SBF2: variants seen among roughly 807,000 people sequenced by gnomAD.
SBF2 encodes myotubularin-related protein 13.
SBF2 carries 112 observed loss-of-function variants against 225.2 expected under a neutral mutation model. The ratio of observed to expected loss-of-function variants is 0.50; its 90% CI spans 0.43 to 0.58. SBF2 has a LOEUF of 0.58. Ranked by LOEUF, SBF2 falls within the 20% of genes least tolerant of loss-of-function variation. The probability of loss-of-function intolerance (pLI) is 0.00; values close to 1 mark genes in which losing one functional copy is unlikely to be tolerated. For synonymous variants in SBF2, 763 were observed against 773.3 expected (o/e 0.99, Z 0.22); for missense variants, 1,996 against 2,206.2 (o/e 0.90, Z 1.91).
intron 17 of SBF2, among the ~76,000 whole-genome samples, chr11:9,877,533 C>T (rs1032385038): frequency 2.6e-5 from 4 of 152,166 alleles, no homozygotes; most frequent in Non-Finnish European, 5.9e-5. Flanking sequence ...TCTCCTAATG[C>T]TATCCCTACC....
chr11:10,257,912 G>A (rs189505010), intron 1 of SBF2, among the ~76,000 whole-genome samples: 21 of 152,034 alleles, frequency 1.4e-4, no homozygotes, highest in Non-Finnish European at 2.6e-4. Context: ...AAACGAGATC[G>A]CGCCAGTGCA....
intron 2 of SBF2, among the ~76,000 whole-genome samples, chr11:10,055,212 T>C (rs1411715195): frequency 1.3e-5 from 2 of 152,090 alleles, no homozygotes; most frequent in African/African-American, 4.8e-5. Context: ...AGAATGGCTA[T>C]TATTAAAAAG....
intron 33 of SBF2, 137 bp downstream of exon 33, chr11:9,795,694 C>T (rs1853079122): frequency 4.7e-6 from 5 of 1,055,602 alleles, no homozygotes; most frequent in Non-Finnish European, 5.6e-6. Flanking sequence ...GCCACTTATC[C>T]ACTCCTCTAC....
chr11:10,299,337 CAAAAAAA>C (rs5789634), intron 1 of SBF2, among the ~76,000 whole-genome samples: 3 of 63,146 alleles, frequency 4.8e-5, no homozygotes, highest in Admixed American at 2.0e-4. Context: ...GAGTCCATCT[CAAAAAAA>C]AAAAAAAAAA....
chr11:10,043,016 A>T (rs1949713075), intron 2 of SBF2, 35 bp from the exon 3 acceptor site: 2 of 1,590,968 alleles, frequency 1.3e-6, no homozygotes, highest in South Asian at 2.2e-5. Flanking sequence ...TAACATTTAA[A>T]AACAATAAAA....
intron 27 of SBF2, among the ~76,000 whole-genome samples, 185 bp downstream of exon 27, chr11:9,832,039 G>A (rs1855431221): frequency 6.6e-6 from 1 of 152,218 alleles, no homozygotes; most frequent in African/African-American, 2.4e-5. Flanking sequence ...CAAATTCAAT[G>A]TGGAGCCTCA....
chr11:10,112,693 A>C (rs1215169300), intron 2 of SBF2, among the ~76,000 whole-genome samples: 2 of 152,236 alleles, frequency 1.3e-5, no homozygotes, highest in Non-Finnish European at 2.9e-5. Context: ...AGCAAAATGA[A>C]TAAACAGAAG....
At chr11:10,131,849 A>G (rs1565265776) in intron 2 of SBF2, among the ~76,000 whole-genome samples, 1 of 152,152 alleles carries the variant, frequency 6.6e-6, no homozygotes, top group African/African-American at 2.4e-5. Flanking sequence ...GCACAGCAAA[A>G]GTTCTTAATT....
chr11:9,800,551 C>T (rs1436235421), intron 32 of SBF2, among the ~76,000 whole-genome samples: 2 of 151,668 alleles, frequency 1.3e-5, no homozygotes, highest in Non-Finnish European at 2.9e-5. Flanking sequence ...GGACTACAGG[C>T]GCCTGCCACC....
At chr11:10,007,337 T>A (rs1948241146) in intron 6 of SBF2, among the ~76,000 whole-genome samples, 2 of 152,098 alleles carry the variant, frequency 1.3e-5, no homozygotes, top group Non-Finnish European at 2.9e-5. Context: ...GCCCCTCAGA[T>A]GCATTCTCAA....
At chr11:9,976,406 G>C (rs779910076) in intron 13 of SBF2, among the ~76,000 whole-genome samples, 11 of 152,172 alleles carry the variant, frequency 7.2e-5, no homozygotes, top group Non-Finnish European at 1.2e-4. Context: ...AGAATTTTAA[G>C]TTCTTTAATA....
intron 1 of SBF2, among the ~76,000 whole-genome samples, chr11:10,217,427 A>T (rs1822293): frequency 1.3e-5 from 2 of 152,022 alleles, no homozygotes; most frequent in East Asian, 3.8e-4. Context: ...AACAAAACAC[A>T]CACACTCAAG....
chr11:9,960,770 T>G (rs1366230838), intron 16 of SBF2: 1 of 152,212 alleles, frequency 6.6e-6, no homozygotes, highest in Non-Finnish European at 1.5e-5. Context: ...TTTCAAGTGA[T>G]TCTCCTGCCT....
At chr11:10,196,864 A>ATTT (rs1464688140) in intron 1 of SBF2, among the ~76,000 whole-genome samples, 5,063 of 61,620 alleles carry the variant, frequency 0.082, 213 homozygotes, top group Middle Eastern at 0.12. Context: ...ATATATATAT[A>ATTT]TATTTTTTTT....
intron 1 of SBF2, among the ~76,000 whole-genome samples, chr11:10,238,163 C>G (rs1291852534): frequency 6.6e-6 from 1 of 152,072 alleles, no homozygotes; most frequent in East Asian, 1.9e-4. Flanking sequence ...TATCTCAGCA[C>G]TTTGGGGGAT....
chr11:10,047,563 C>T (rs1949909992), intron 2 of SBF2, among the ~76,000 whole-genome samples: 1 of 152,134 alleles, frequency 6.6e-6, no homozygotes, highest in Non-Finnish European at 1.5e-5. Context: ...ATGACCATTA[C>T]CCCCTTTGAT....
At chr11:10,072,519 T>C (rs996989299) in intron 2 of SBF2, among the ~76,000 whole-genome samples, 1 of 152,160 alleles carries the variant, frequency 6.6e-6, no homozygotes, top group South Asian at 2.1e-4. Context: ...AATTCTTTGA[T>C]TTTTAAGAAT....
chr11:10,254,677 G>A (rs1045432808), intron 1 of SBF2, among the ~76,000 whole-genome samples: 2 of 150,848 alleles, frequency 1.3e-5, no homozygotes, highest in African/African-American at 4.9e-5. Flanking sequence ...AGGCTGAGGC[G>A]GGTGGGTCAC....
At chr11:10,205,528 C>T (rs891150294) in intron 1 of SBF2, among the ~76,000 whole-genome samples, 2 of 151,764 alleles carry the variant, frequency 1.3e-5, no homozygotes, top group African/African-American at 4.8e-5. Context: ...AGAAGGCAAC[C>T]CAGGCCTAGC....
Sources: allele counts gnomAD v4.1 joint callset (sites outside exome capture counted in the v4.1 genomes callset), GRCh38; gene constraint gnomAD v4.1.1; transcripts MANE v1.5; gene names NCBI Gene and HGNC (gene_info 2026-07-23, HGNC 2026-07-21).